The following NHLRC1 variants were observed in gnomAD, a reference collection of about 807,000 sequenced individuals.
NHLRC1 encodes the protein NHL repeat containing E3 ubiquitin protein ligase 1.
Under a neutral mutation model 14.6 loss-of-function variants are expected in NHLRC1, and 10 were observed. The ratio of observed to expected loss-of-function variants is 0.69; its 90% confidence interval spans 0.42 to 1.17. The LOEUF is 1.17. Ranked by LOEUF, NHLRC1 falls within the 50% of genes most tolerant of loss-of-function variation. The pLI is 0.00. For missense variants in NHLRC1, 526 were observed against 522.9 expected (o/e 1.01, Z -0.06); for synonymous variants, 231 against 224.0 (o/e 1.03, Z -0.28).
In NHLRC1 at chr6:18,121,441, A is replaced by T. The variant is rs562100142; in HGVS notation, c.1166T>A (p.Val389Asp). Residue 389 changes from valine to aspartate, a missense_variant, in exon 1 of 1, where the codon GTC becomes GAC. Coordinates refer to ENST00000340650, the MANE Select transcript of NHLRC1 (RefSeq NM_198586.3). The surrounding 1 kb of genome is among the most constrained non-coding windows in gnomAD (Gnocchi z 4.7). ...CCATCACCCCCAGTCAACTTTATAGACTTTTATAGAATGAGATGCTGTGTC... is the reference window on the plus strand; with the variant it reads ...CCATCACCCCCAGTCAACTTTATAGTCTTTTATAGAATGAGATGCTGTGTC... ...VLDTASHSIK[V>D]YKVDWG 2.5e-6 allele frequency: 4 copies of T among 1,613,956 alleles called. No homozygotes were observed. The highest frequency in any genetic ancestry group is 2.2e-5 in the East Asian group (1 of 44,864).
rs760631929 is a variant in NHLRC1, at chr6:18,122,461, A to G, written c.146T>C (p.Val49Ala). 1.3e-5 allele frequency: 20 copies of G among 1,595,760 alleles called. No homozygotes were observed. The highest frequency in any genetic ancestry group is 1.7e-5 in the Non-Finnish European group (20 of 1,178,878). Residue 49 changes from valine to alanine, a missense_variant, in exon 1 of 1, where the codon GTG becomes GCG. Physicochemically the swap from Val to Ala is moderately conservative, Grantham distance 64 (BLOSUM62 0). Transcript: ENST00000340650. ...GGCGGCCACGCAGGCCAGGCAGACC[A>G]CGTGGCCGCAGGACAGGTTGCGCGG... ...RRPRNLSCGHVVCLACVAALA... is the reference protein window; with the variant it reads ...RRPRNLSCGHAVCLACVAALA...
Position 18,121,905 on chromosome 6 carries a change from C to T in NHLRC1, c.702G>A (p.Ala234=). 6.2e-7 allele frequency: 1 copy of T among 1,614,164 alleles called. No individual in the cohort carries two copies. The highest frequency in any genetic ancestry group is 8.5e-7 in the Non-Finnish European group (1 of 1,180,016). The part of the protein sequence containing the change: ...TPQNGIVVTD[A]EAGSLHLLDV... The stretch of plus-strand genomic sequence containing the variant: ...CCAGGAGGTGCAGGGACCCTGCCTC[C>T]GCATCAGTTACCACAATCCCATTCT... The change falls in exon 1 of 1, where the codon GCG becomes GCA. Residue 234 remains alanine, a synonymous_variant. Coordinates refer to ENST00000340650, the MANE Select transcript of NHLRC1 (RefSeq NM_198586.3). This position sits in a 1 kb window ranked among gnomAD's most constrained non-coding sequence, Gnocchi z 4.7.
In NHLRC1 at chr6:18,122,475, C is replaced by T; in HGVS notation, c.132G>A (p.Leu44=). ...GHRQQRRPRN[L]SCGHVVCLAC... ...CCAGGCAGACCACGTGGCCGCAGGACAGGTTGCGCGGGCGCCGCTGCTGCC... is the reference window on the plus strand; with the variant it reads ...CCAGGCAGACCACGTGGCCGCAGGATAGGTTGCGCGGGCGCCGCTGCTGCC... The change falls in exon 1 of 1, where the codon CTG becomes CTA. Residue 44 remains leucine (L), a synonymous_variant. Coordinates refer to ENST00000340650, the MANE Select transcript of NHLRC1 (RefSeq NM_198586.3). 4 of 1,596,806 alleles carry T rather than the reference C, an allele frequency of 2.5e-6. No individual in the cohort carries two copies. Among genetic ancestry groups the T allele is most frequent in the Non-Finnish European group, 3.4e-6 (4 of 1,179,344 alleles).
In NHLRC1 at chr6:18,121,243, T is replaced by C; in HGVS notation, c.*176A>G. ...TATTTGCAAATTTCCTTGCACAGAG[T>C]ATGCATTCAATAAATGGTAGATTAA... On this transcript the variant is annotated 3_prime_UTR_variant, in exon 1 of 1. Coordinates refer to ENST00000340650, the MANE Select transcript of NHLRC1 (RefSeq NM_198586.3). This position sits in a 1 kb window ranked among gnomAD's most constrained non-coding sequence, Gnocchi z 4.7. 1 of 626,588 alleles carries C rather than the reference T, an allele frequency of 1.6e-6. No homozygotes were observed. Among genetic ancestry groups the C allele is most frequent in the East Asian group, 2.7e-5 (1 of 36,660 alleles). 38.8% of individuals were successfully genotyped at this position (626,588 alleles called of 1,614,324 possible).
rs1783729020 is a variant in NHLRC1 at position 18,121,370 on chromosome 6, A to C, written c.*49T>G. The stretch of plus-strand genomic sequence containing the variant: ...TGACTTATCCAGGGTTAAACAATTC[A>C]TTAATGGCAGCACTAGTGCTTCTGA... On this transcript the variant is annotated 3_prime_UTR_variant, in exon 1 of 1. Transcript: ENST00000340650. The surrounding 1 kb of genome is among the most constrained non-coding windows in gnomAD (Gnocchi z 4.7). 2 of 1,384,488 alleles carry C rather than the reference A, an allele frequency of 1.4e-6. No individual in the cohort carries two copies. Among genetic ancestry groups the C allele is most frequent in the African/African-American group, 2.8e-5 (2 of 70,342 alleles). 85.8% of individuals were successfully genotyped at this position (1,384,488 alleles called of 1,614,324 possible).
Position 18,120,639 on chromosome 6 carries a change from TAA to T in NHLRC1, c.*778_*779del, listed in dbSNP as rs1354012547. 1 of 152,220 alleles carries T rather than the reference TAA, an allele frequency of 6.6e-6. No homozygotes were observed. The highest frequency in any genetic ancestry group is 1.5e-5 in the Non-Finnish European group (1 of 68,048). 9.4% of individuals were successfully genotyped at this position (152,220 alleles called of 1,614,324 possible). On this transcript the variant is annotated 3_prime_UTR_variant, in exon 1 of 1. Transcript: ENST00000340650. ...AATCCTTTTTCTCCTGAACTCTCCA[TAA>T]AGTCTCCTTTCTTTGCACATCTTTG...
rs746239356 is a variant in NHLRC1, at chr6:18,122,008, A to G, written c.599T>C (p.Val200Ala). 2.5e-6 allele frequency: 4 copies of G among 1,613,964 alleles called. No individual in the cohort carries two copies. Among genetic ancestry groups the G allele is most frequent in the Admixed American group, 1.7e-5 (1 of 59,996 alleles). The change falls in exon 1 of 1, where the codon GTG (valine) becomes GCG (alanine). Residue 200 changes from valine (V) to alanine (A), a missense_variant. Physicochemically the swap from Val to Ala is moderately conservative, Grantham distance 64. Transcript: ENST00000340650. Reference protein sequence around the residue: ...VTDAGDRSIKVFDFFGQIKLV... With the variant: ...VTDAGDRSIKAFDFFGQIKLV... ...CTTGATCTGGCCAAAAAAATCAAAC[A>G]CTTTGATGGAGCGATCGCCGGCGTC...
Position 18,121,924 on chromosome 6 carries a change from C to G in NHLRC1, c.683G>C (p.Gly228Ala), listed in dbSNP as rs1783742334. The change falls in exon 1 of 1, where the codon GGG becomes GCG. Residue 228 changes from glycine to alanine, a missense_variant. Physicochemically the swap from Gly to Ala is moderately conservative, Grantham distance 60 (BLOSUM62 0). Coordinates refer to ENST00000340650, the MANE Select transcript of NHLRC1 (RefSeq NM_198586.3). This position sits in a 1 kb window ranked among gnomAD's most constrained non-coding sequence, Gnocchi z 4.7. ...PWGVETTPQN[G>A]IVVTDAEAGS... ...TGCCTCCGCATCAGTTACCACAATC[C>G]CATTCTGAGGGGTGGTCTCCACACC... 6 of 1,614,194 alleles carry G rather than the reference C, an allele frequency of 3.7e-6. No homozygotes were observed. Among genetic ancestry groups the G allele is most frequent in the Non-Finnish European group, 5.1e-6 (6 of 1,180,028 alleles).
Position 18,122,009 on chromosome 6 carries a change from C to T in NHLRC1, c.598G>A (p.Val200Met). ...TTGATCTGGCCAAAAAAATCAAACA[C>T]TTTGATGGAGCGATCGCCGGCGTCA... Reference protein sequence around the residue: ...VTDAGDRSIKVFDFFGQIKLV... With the variant: ...VTDAGDRSIKMFDFFGQIKLV... The change falls in exon 1 of 1, where the codon GTG (valine) becomes ATG (methionine). Residue 200 changes from valine to methionine, a missense_variant. Coordinates refer to ENST00000340650, the MANE Select transcript of NHLRC1 (RefSeq NM_198586.3). The T allele has an allele frequency of 6.2e-7, 1 of 1,614,230 alleles. No homozygotes were observed. The highest frequency in any genetic ancestry group is 8.5e-7 in the Non-Finnish European group (1 of 1,180,044).
At position 18,122,255 on chromosome 6, in the gene NHLRC1, G is replaced by A; in HGVS notation, c.352C>T (p.His118Tyr). ...AGGGTCCCCCAGCCGCCGAAGGTGT[G>A]GTGGCAGGTGAGGGCTCCGGGGGCG... ...PSAPGALTCH[H>Y]TFGGWGTLVN... The change falls in exon 1 of 1, where the codon CAC becomes TAC. Residue 118 changes from histidine to tyrosine, a missense_variant. His to Tyr is a moderately conservative substitution (Grantham distance 83, BLOSUM62 2). Transcript: ENST00000340650. The A allele has an allele frequency of 6.2e-7, 1 of 1,607,970 alleles. No homozygotes were observed. Among genetic ancestry groups the A allele is most frequent in the Non-Finnish European group, 8.5e-7 (1 of 1,179,722 alleles).
Position 18,121,567 on chromosome 6 carries a change from C to T in NHLRC1, c.1040G>A (p.Gly347Glu). 1 of 1,614,224 alleles carries T rather than the reference C, an allele frequency of 6.2e-7. No homozygotes were observed. Among genetic ancestry groups the T allele is most frequent in the Non-Finnish European group, 8.5e-7 (1 of 1,180,038 alleles). ...DTSGPAILCL[G>E]KPEEFPVPKP... The stretch of plus-strand genomic sequence containing the variant: ...CGGTACTGGAAACTCCTCAGGTTTT[C>T]CTAAGCAAAGGATAGCTGGACCAGA... The change falls in exon 1 of 1, where the codon GGA becomes GAA. Residue 347 changes from glycine to glutamate, a missense_variant. By Grantham distance (98) the Gly-to-Glu change is moderately conservative (BLOSUM62 -2). Transcript: ENST00000340650. This position sits in a 1 kb window ranked among gnomAD's most constrained non-coding sequence, Gnocchi z 4.7.
In NHLRC1 at chr6:18,121,689, T is replaced by C; in HGVS notation, c.918A>G (p.Gln306=). ...VFSSSMQLVG[Q]VDTFGLSLYF... ...AGAGGCTCAGCCCAAAGGTATCCAC[T>C]TGGCCGACAAGCTGCATACTTGAGC... Residue 306 remains glutamine (Q), a synonymous_variant, in exon 1 of 1, where the codon CAA becomes CAG. Coordinates refer to ENST00000340650, the MANE Select transcript of NHLRC1 (RefSeq NM_198586.3). The surrounding 1 kb of genome is among the most constrained non-coding windows in gnomAD (Gnocchi z 4.7). 6 of 1,614,114 alleles carry C rather than the reference T, an allele frequency of 3.7e-6. No individual in the cohort carries two copies. Among genetic ancestry groups the C allele is most frequent in the Non-Finnish European group, 5.1e-6 (6 of 1,180,032 alleles).
Position 18,121,239 on chromosome 6 carries a change from A to G in NHLRC1, c.*180T>C. ...CTAATATTTGCAAATTTCCTTGCACAGAGTATGCATTCAATAAATGGTAGA... is the reference window on the plus strand; with the variant it reads ...CTAATATTTGCAAATTTCCTTGCACGGAGTATGCATTCAATAAATGGTAGA... On this transcript the variant is annotated 3_prime_UTR_variant, in exon 1 of 1. Transcript: ENST00000340650. The surrounding 1 kb of genome is among the most constrained non-coding windows in gnomAD (Gnocchi z 4.7). 6.4e-6 allele frequency: 4 copies of G among 620,662 alleles called. No homozygotes were observed. The highest frequency in any genetic ancestry group is 2.7e-5 in the East Asian group (1 of 36,546). The allele number at this position is 620,662 out of a possible 1,614,324, so 38.4% of individuals were successfully genotyped here. A position where few individuals can be genotyped will look rare whatever the true frequency, so the allele number is the denominator to read the frequency against.
At position 18,122,630 on chromosome 6, in the gene NHLRC1, G is replaced by A. The variant is rs746747353; in HGVS notation, c.-24C>T. 2.5e-6 allele frequency: 4 copies of A among 1,576,434 alleles called. No homozygotes were observed. The East Asian group carries it at 6.8e-5, about 27-fold the overall frequency. ...ATGGCGCGTCCTGTGCACTCCCGCC[G>A]CGCCGCCTGGCCGTGCCCCAGCGAC... On this transcript the variant is annotated 5_prime_UTR_variant, in exon 1 of 1. Coordinates refer to ENST00000340650, the MANE Select transcript of NHLRC1 (RefSeq NM_198586.3).
chr6:18,121,467 C>CA lies in NHLRC1; in HGVS notation c.1139dup (p.Asp381GlyfsTer11). ...CTTTTATAGAATGAGATGCTGTGTC[C>CA]AGCACAAGAAGAGAATTCTCCTTGG... is the stretch of plus-strand genomic sequence containing the variant. On this transcript the variant is annotated frameshift_variant, in exon 1 of 1. Coordinates refer to ENST00000340650, the MANE Select transcript of NHLRC1 (RefSeq NM_198586.3). LOFTEE classifies it high-confidence loss of function. The surrounding 1 kb of genome is among the most constrained non-coding windows in gnomAD (Gnocchi z 4.7). 1 of 1,614,112 alleles carries CA rather than the reference C, an allele frequency of 6.2e-7. No homozygotes were observed. Among genetic ancestry groups the CA allele is most frequent in the Non-Finnish European group, 8.5e-7 (1 of 1,180,014 alleles).
In NHLRC1 at chr6:18,122,309, A is replaced by G. The variant is rs1318159780; in HGVS notation, c.298T>C (p.Ser100Pro). Residue 100 changes from serine to proline, a missense_variant, in exon 1 of 1, where the codon TCC (serine) becomes CCC (proline). By Grantham distance (74) the Ser-to-Pro change is moderately conservative. Transcript: ENST00000340650. ...IELLGSALRQSPAAHRAAPSA... is the reference protein window; with the variant it reads ...IELLGSALRQPPAAHRAAPSA... ...GGGGCGGCGCGATGGGCGGCCGGGG[A>G]CTGGCGAAGCGCTGAGCCCAGGAGC... 2 of 1,587,868 alleles carry G rather than the reference A, an allele frequency of 1.3e-6. No individual in the cohort carries two copies. The highest frequency in any genetic ancestry group is 4.5e-5 in the East Asian group (2 of 44,512).
At position 18,121,585 on chromosome 6, in the gene NHLRC1, G is replaced by A. The variant is rs1369010115; in HGVS notation, c.1022C>T (p.Pro341Leu). The change falls in exon 1 of 1, where the codon CCA (proline) becomes CTA (leucine). Residue 341 changes from proline (P) to leucine (L), a missense_variant. Pro to Leu is a moderately conservative substitution (Grantham distance 98, BLOSUM62 -3). Transcript: ENST00000340650. The surrounding 1 kb of genome is among the most constrained non-coding windows in gnomAD (Gnocchi z 4.7). ...GNVIVADTSG[P>L]AILCLGKPEE... ...AGGTTTTCCTAAGCAAAGGATAGCT[G>A]GACCAGATGTATCTGCAACAATCAC... 2.5e-6 allele frequency: 4 copies of A among 1,614,116 alleles called. No homozygotes were observed. The highest frequency in any genetic ancestry group is 3.4e-6 in the Non-Finnish European group (4 of 1,180,052).
Position 18,122,139 on chromosome 6 carries a change from T to C in NHLRC1, c.468A>G (p.Ser156=). 6.2e-7 allele frequency: 1 copy of C among 1,613,782 alleles called. No homozygotes were observed. The change falls in exon 1 of 1, where the codon TCA becomes TCG. Residue 156 remains serine, a synonymous_variant. Transcript: ENST00000340650. The part of the protein sequence containing the change: ...DGRRRVKIFD[S]GGGCAHQFGE... ...CAAACTGATGCGCGCATCCTCCCCC[T>C]GAGTCAAAAATCTTGACACGCCTCC...
Position 18,121,744 on chromosome 6 carries a change from C to G in NHLRC1, c.863G>C (p.Gly288Ala). The change falls in exon 1 of 1, where the codon GGG becomes GCG. Residue 288 changes from glycine (G) to alanine (A), a missense_variant. Gly to Ala is a moderately conservative substitution (Grantham distance 60, BLOSUM62 0). Coordinates refer to ENST00000340650, the MANE Select transcript of NHLRC1 (RefSeq NM_198586.3). The surrounding 1 kb of genome is among the most constrained non-coding windows in gnomAD (Gnocchi z 4.7). ...CACTTTCACCCTGGTGCTGCAAACC[C>G]CAGTCCCCAGGGCCAGGGGGTGCTC... is the stretch of plus-strand genomic sequence containing the variant. ...VLEHPLALGTGVCSTRVKVFS... is the reference protein window; with the variant it reads ...VLEHPLALGTAVCSTRVKVFS... The G allele has an allele frequency of 3.1e-6, 5 of 1,614,056 alleles. No homozygotes were observed. Among genetic ancestry groups the G allele is most frequent in the Non-Finnish European group, 3.4e-6 (4 of 1,180,036 alleles).
Sources: allele counts gnomAD v4.1 joint callset, GRCh38; gene constraint gnomAD v4.1.1; non-coding constraint Gnocchi (gnomAD v3.1); transcripts MANE v1.5; gene names NCBI Gene and HGNC (gene_info 2026-07-23, HGNC 2026-07-21).